The following SPON1 variants were observed in gnomAD, a reference collection of about 807,000 sequenced individuals.
SPON1 encodes spondin 1.
In SPON1, 52 loss-of-function variants were observed where a neutral mutation model predicts 111.7. That is an observed-to-expected ratio of 0.47 (90% CI 0.37 to 0.59). SPON1 has a LOEUF of 0.59. Among genes scored for constraint, SPON1 ranks in the 20% least tolerant of loss-of-function variants. The pLI is 0.00. For missense variants in SPON1, 957 were observed against 1,068.5 expected, an observed-to-expected ratio of 0.90 and a Z score of 1.46; for synonymous variants, 410 against 395.8, an observed-to-expected ratio of 1.04 and a Z score of -0.43.
chr11:14,039,809 T>C (rs781969125), intron 2 of SPON1, among the ~76,000 whole-genome samples: 3 of 152,150 alleles, frequency 2.0e-5, no homozygotes, highest in Non-Finnish European at 4.4e-5. Context: ...AAGGAAAAGA[T>C]ATTTGTAGAT....
In SPON1 at chr11:14,135,575, C is replaced by CA. The variant is rs781864801; in HGVS notation, c.825+14dup. The CA allele has an allele frequency of 8.4e-5, 135 of 1,609,892 alleles. No individual in the cohort carries two copies. Among genetic ancestry groups the CA allele is most frequent in the African/African-American group, 8.2e-4 (61 of 74,776 alleles). On this transcript the variant is annotated splice_region_variant and intron_variant, in intron 6 of 15. Transcript: ENST00000576479. This position sits in a 1 kb window ranked among gnomAD's most constrained non-coding sequence, Gnocchi z 4.4. ...GGAAGAAATTCGACAACAGGTAAGA[C>CA]AAAAAAATCACAGAATGACCAAATA... is the stretch of plus-strand genomic sequence containing the variant.
intron 3 of SPON1, among the ~76,000 whole-genome samples, chr11:14,059,596 A>G (rs2133822457): frequency 6.6e-6 from 1 of 152,280 alleles, no homozygotes; most frequent in African/African-American, 2.4e-5. Flanking sequence ...GCACATGAAT[A>G]TTCATCTGAG....
rs146615990 is a variant in SPON1, at chr11:14,025,652, G to A, written c.346-15869G>A. ...AGTGCTGGAGAGGCAAAGATAAAGG[G>A]TCATGCGGGTGGTGGTTTGGCAGGT... On this transcript the variant is annotated intron_variant, in intron 2 of 15. Coordinates refer to ENST00000576479, the MANE Select transcript of SPON1 (RefSeq NM_006108.4). 3.2e-3 allele frequency among the ~76,000 whole-genome samples: 491 copies of A among 152,242 alleles called. 3 individuals are homozygous for A. The highest frequency in any genetic ancestry group is 0.018 in the South Asian group (87 of 4,802).
At chr11:14,021,434 G>A (rs1318877987) in intron 2 of SPON1, among the ~76,000 whole-genome samples, 2 of 152,048 alleles carry the variant, frequency 1.3e-5, no homozygotes, top group Non-Finnish European at 2.9e-5. Context: ...AGGGCTGAGG[G>A]TTGTATATTG....
chr11:14,128,530 G>T (rs1317379036), intron 5 of SPON1, among the ~76,000 whole-genome samples: 1 of 152,208 alleles, frequency 6.6e-6, no homozygotes, highest in Non-Finnish European at 1.5e-5. Flanking sequence ...AGCCCCCGCG[G>T]ATGCTTTCAC....
At chr11:13,970,676 G>C (rs1528655) in intron 1 of SPON1, among the ~76,000 whole-genome samples, 126,319 of 152,178 alleles carry the variant, frequency 0.83, 52,593 homozygotes, top group East Asian at 0.97. Context: ...AAGCTCATTC[G>C]CTCCCCAGGG....
intron 2 of SPON1, among the ~76,000 whole-genome samples, chr11:14,015,773 T>C (rs1195393929): frequency 2.0e-5 from 3 of 152,214 alleles, no homozygotes; most frequent in African/African-American, 4.8e-5. Flanking sequence ...TGTTTGGCGA[T>C]GTCCTTGTTA....
chr11:14,102,248 C>T (rs1459533303), intron 5 of SPON1, among the ~76,000 whole-genome samples: 1 of 152,004 alleles, frequency 6.6e-6, no homozygotes, highest in African/African-American at 2.4e-5. Flanking sequence ...ATGTAAACCA[C>T]AAATATGAGC....
At position 13,970,150 on chromosome 11, in the gene SPON1, T is replaced by C. The variant is rs527371011; in HGVS notation, c.238+7008T>C. Among the ~76,000 whole-genome samples the C allele has an allele frequency of 1.2e-4, 19 of 152,352 alleles. 1 individual carries two copies. The South Asian group carries it at 3.5e-3, about 28-fold the overall frequency. Reference sequence around the variant, plus strand: ...TTGCTATATCACATAAAAAGCTTTTTGTGATGCTTGTCAGCTCCTGCTGGT... The same window carrying C: ...TTGCTATATCACATAAAAAGCTTTTCGTGATGCTTGTCAGCTCCTGCTGGT... On this transcript the variant is annotated intron_variant, in intron 1 of 15. Transcript: ENST00000576479.
At chr11:14,213,845 GC>G (rs1848601006) in intron 6 of SPON1, among the ~76,000 whole-genome samples, 1 of 152,178 alleles carries the variant, frequency 6.6e-6, no homozygotes, top group African/African-American at 2.4e-5. Flanking sequence ...ATGTAAGCAG[GC>G]TTTTTTATAA....
At chr11:14,161,225 A>T (rs59952899) in intron 6 of SPON1, among the ~76,000 whole-genome samples, 2 of 101,846 alleles carry the variant, frequency 2.0e-5, no homozygotes, top group Admixed American at 1.3e-4. Context: ...ATATCTATAT[A>T]TATTTATATA....
intron 6 of SPON1, among the ~76,000 whole-genome samples, chr11:14,182,876 G>A (rs552499288): frequency 9.9e-5 from 15 of 152,262 alleles, no homozygotes; most frequent in African/African-American, 3.4e-4. Context: ...GTGTCCTTTG[G>A]CTCCTCTTAG....
Position 14,257,717 on chromosome 11 carries a change from T to A in SPON1, c.1311T>A (p.Asp437Glu), listed in dbSNP as rs782076324. ...AAACATGTCAAACACTCTTTCCAGA[T>A]GACACCCCTGAAACCTGCATCTACT... is the stretch of plus-strand genomic sequence containing the variant. ...ADLAPEEKDE[D>E]DTPETCIYSN... The change falls in exon 11 of 16, where the codon GAT becomes GAA. Residue 437 changes from aspartate (D) to glutamate (E), a missense_variant and splice_region_variant. Coordinates refer to ENST00000576479, the MANE Select transcript of SPON1 (RefSeq NM_006108.4). 3.7e-6 allele frequency: 6 copies of A among 1,607,438 alleles called. No individual in the cohort carries two copies. The Admixed American group carries it at 6.7e-5, about 18-fold the overall frequency.
intron 2 of SPON1, among the ~76,000 whole-genome samples, chr11:14,016,482 AC>A (rs1848444806): frequency 6.6e-6 from 1 of 152,246 alleles, no homozygotes. Flanking sequence ...GACCCATGTA[AC>A]TATAGCATTG....
intron 6 of SPON1, 118 bp from the exon 7 acceptor site, chr11:14,243,214 C>T: frequency 1.1e-6 from 1 of 928,772 alleles, no homozygotes; most frequent in South Asian, 1.5e-5. Context: ...TACACCCAGG[C>T]AGGAAAAGCC....
At chr11:14,038,617 G>A (rs979329715) in intron 2 of SPON1, among the ~76,000 whole-genome samples, 2 of 152,146 alleles carry the variant, frequency 1.3e-5, no homozygotes, top group Non-Finnish European at 2.9e-5. Flanking sequence ...AACATCATAC[G>A]TCATTAGGGT....
intron 5 of SPON1, among the ~76,000 whole-genome samples, chr11:14,097,079 C>A (rs939422926): frequency 3.3e-5 from 5 of 152,172 alleles, no homozygotes; most frequent in African/African-American, 1.2e-4. Context: ...CCTAAAAACA[C>A]CCAAATGAGA....
At chr11:14,067,636 G>T (rs917441611) in intron 3 of SPON1, among the ~76,000 whole-genome samples, 46 of 152,196 alleles carry the variant, frequency 3.0e-4, no homozygotes, top group African/African-American at 1.1e-3. Context: ...CTACTGCGAA[G>T]TTCCTGTCCC....
At chr11:14,181,726 A>T (rs1387736010) in intron 6 of SPON1, among the ~76,000 whole-genome samples, 1 of 152,054 alleles carries the variant, frequency 6.6e-6, no homozygotes. Flanking sequence ...GAATGACAAG[A>T]CCTAGTTGGC....
Sources: allele counts gnomAD v4.1 joint callset (sites outside exome capture counted in the v4.1 genomes callset), GRCh38; gene constraint gnomAD v4.1.1; non-coding constraint Gnocchi (gnomAD v3.1); transcripts MANE v1.5; gene names NCBI Gene and HGNC (gene_info 2026-07-23, HGNC 2026-07-21).